LARGE1: variants seen among roughly 807,000 people sequenced by gnomAD.
LARGE1 encodes the protein xylosyl- and glucuronyltransferase LARGE1.
A neutral mutation model predicts 87.6 loss-of-function variants in LARGE1; 43 were observed. The ratio of observed to expected loss-of-function variants is 0.49; its 90% CI spans 0.38 to 0.63. The LOEUF (loss-of-function observed/expected upper bound fraction) is 0.63. Among genes scored for constraint, LARGE1 ranks in the 30% least tolerant of loss-of-function variants. LARGE1 has a pLI of 0.00. For synonymous variants in LARGE1, 434 were observed against 394.6 expected (o/e 1.10, Z -1.18); for missense variants, 802 against 1,000.2 (o/e 0.80, Z 2.67).
chr22:33,437,827 A>G (rs142116438), intron 6 of LARGE1, among the ~76,000 whole-genome samples: 12 of 152,298 alleles, frequency 7.9e-5, no homozygotes, highest in African/African-American at 2.4e-4. Flanking sequence ...CAGATAAACA[A>G]TTTTGAAGCA....
the LARGE1 span, among the ~76,000 whole-genome samples, chr22:33,133,572 T>G: frequency 3.3e-5 from 5 of 152,220 alleles, no homozygotes; most frequent in Non-Finnish European, 7.3e-5. Flanking sequence ...CTTAATCCAG[T>G]CTATCATTGA....
downstream of LARGE1, among the ~76,000 whole-genome samples, chr22:33,267,978 C>T (rs542243649): frequency 1.1e-4 from 16 of 149,168 alleles, no homozygotes; most frequent in Admixed American, 3.3e-4. Context: ...TTTTTTGAGA[C>T]GGGGTCTTGC....
chr22:33,841,987 A>T (rs189702392), intron 1 of LARGE1, among the ~76,000 whole-genome samples: 251 of 152,356 alleles, frequency 1.6e-3, no homozygotes, highest in Middle Eastern at 6.8e-3. Flanking sequence ...CACAAATAAC[A>T]GTCTAAAATA....
chr22:33,380,195 G>A (rs1354778904), intron 9 of LARGE1, among the ~76,000 whole-genome samples: 5 of 151,406 alleles, frequency 3.3e-5, no homozygotes, highest in African/African-American at 7.3e-5. Context: ...GTTTTATTTC[G>A]CCCCCTCTCC....
intron 11 of LARGE1, among the ~76,000 whole-genome samples, chr22:33,172,991 T>C (rs1244524357): frequency 1.3e-5 from 2 of 152,048 alleles, no homozygotes; most frequent in African/African-American, 4.8e-5. Flanking sequence ...AACATTCAAA[T>C]TCAGGAAACA....
chr22:33,297,238 G>A (rs1171163188), intron 12 of LARGE1, among the ~76,000 whole-genome samples: 4 of 152,148 alleles, frequency 2.6e-5, no homozygotes, highest in Admixed American at 2.6e-4. Flanking sequence ...TCAAGCTGGG[G>A]AGAAAAGAGT....
At chr22:33,163,128 C>T (rs1281223944) in exon 12 of LARGE1, 4 of 152,204 alleles carry the variant, frequency 2.6e-5, no homozygotes, top group African/African-American at 9.7e-5. Context: ...AAGTCCAACA[C>T]TGTACTAGAT....
At position 33,352,711 on chromosome 22, in the gene LARGE1, G is replaced by C. The variant is rs182553034; in HGVS notation, c.1132-14910C>G. Among the ~76,000 whole-genome samples, 513 of 152,150 alleles carry C rather than the reference G, an allele frequency of 3.4e-3. 5 individuals carry two copies. Among genetic ancestry groups the C allele is most frequent in the Non-Finnish European group, 5.6e-3 (381 of 68,006 alleles). On this transcript the variant is annotated intron_variant, in intron 9 of 14. Coordinates refer to ENST00000397394, the MANE Select transcript of LARGE1 (RefSeq NM_133642.5). ...TGGGAGGTGGAGGTTGCAGTGAGCT[G>C]AGATCACACCACTGCACTCCAGCCT...
intron 1 of LARGE1, among the ~76,000 whole-genome samples, chr22:33,798,681 A>G (rs2086063908): frequency 6.6e-6 from 1 of 152,144 alleles, no homozygotes; most frequent in Non-Finnish European, 1.5e-5. Flanking sequence ...GGATGGTGTA[A>G]TCATTCAGGT....
intron 1 of LARGE1, among the ~76,000 whole-genome samples, chr22:33,916,460 T>C (rs544661030): frequency 7.9e-5 from 12 of 152,286 alleles, no homozygotes; most frequent in Admixed American, 1.3e-4. Context: ...TAAAATACAT[T>C]TAACGAAGCC....
chr22:33,253,860 A>G (rs1455787225), intron 11 of LARGE1, among the ~76,000 whole-genome samples: 1 of 150,802 alleles, frequency 6.6e-6, no homozygotes, highest in Non-Finnish European at 1.5e-5. Flanking sequence ...GATGGTGGGT[A>G]TGACCAACAC....
intron 10 of LARGE1, among the ~76,000 whole-genome samples, chr22:33,329,374 C>G (rs1479471182): frequency 6.6e-6 from 1 of 151,244 alleles, no homozygotes; most frequent in African/African-American, 2.4e-5. Context: ...TTTAACATAA[C>G]AACAGATCAT....
chr22:33,468,479 T>C (rs1459906815), intron 6 of LARGE1, among the ~76,000 whole-genome samples: 2 of 152,186 alleles, frequency 1.3e-5, no homozygotes, highest in Non-Finnish European at 2.9e-5. Context: ...CTAATTTTTC[T>C]ATTATAGTCA....
intron 1 of LARGE1, among the ~76,000 whole-genome samples, chr22:33,862,166 C>G (rs924353557): frequency 2.0e-5 from 3 of 152,088 alleles, no homozygotes; most frequent in Admixed American, 2.0e-4. Flanking sequence ...CGGCAGGAAC[C>G]AGATGTTTCT....
intron 1 of LARGE1, among the ~76,000 whole-genome samples, chr22:33,863,970 C>T (rs570788964): frequency 1.5e-4 from 23 of 152,302 alleles, no homozygotes; most frequent in South Asian, 1.0e-3. Context: ...GCCTAACTAA[C>T]GCCTCCCATG....
At chr22:33,402,224 T>C (rs1417423325) in intron 7 of LARGE1, among the ~76,000 whole-genome samples, 1 of 152,120 alleles carries the variant, frequency 6.6e-6, no homozygotes, top group African/African-American at 2.4e-5. Flanking sequence ...AGGTCTGCTG[T>C]GTGATGAATG....
At chr22:33,119,018 C>A in the LARGE1 span, among the ~76,000 whole-genome samples, 1 of 152,328 alleles carries the variant, frequency 6.6e-6, no homozygotes, top group East Asian at 1.9e-4. Context: ...TCCATTAAGT[C>A]ATTTCAAATG....
the LARGE1 span, among the ~76,000 whole-genome samples, chr22:33,109,888 A>T: frequency 1.3e-5 from 2 of 152,156 alleles, no homozygotes. Flanking sequence ...CCATAATTGT[A>T]AGATTCCTGA....
chr22:33,276,537 CATACTTTGAA>C (rs1929330896), intron 14 of LARGE1, among the ~76,000 whole-genome samples: 1 of 152,220 alleles, frequency 6.6e-6, no homozygotes, highest in Admixed American at 6.5e-5. Flanking sequence ...GTAGAAGATT[CATACTTTGAA>C]GTAGGAGCTC....
Sources: gnomAD v4.1 joint callset for allele counts (sites outside exome capture counted in the v4.1 genomes callset) on GRCh38, gnomAD v4.1.1 for gene constraint, MANE v1.5 for transcripts, NCBI Gene and HGNC (gene_info 2026-07-23, HGNC 2026-07-21) for gene names.